The following KLF12 variants were observed in gnomAD, a reference collection of about 807,000 sequenced individuals.
The protein encoded by KLF12 is Krueppel-like factor 12.
A neutral mutation model predicts 37.8 loss-of-function variants in KLF12; 9 were observed. The observed-to-expected ratio is 0.24, with a 90% CI of 0.14 to 0.42. KLF12 has a LOEUF of 0.42. Among genes scored for constraint, KLF12 ranks in the 10% least tolerant of loss-of-function variants. The probability of loss-of-function intolerance (pLI) is 1.00; values close to 1 mark genes in which losing one functional copy is unlikely to be tolerated. For synonymous variants in KLF12, 208 were observed against 202.1 expected (o/e 1.03, Z -0.25); for missense variants, 411 against 516.0 (o/e 0.80, Z 1.97).
chr13:73,899,764 GTTC>G (rs1887954428), intron 3 of KLF12, among the ~76,000 whole-genome samples: 1 of 152,124 alleles, frequency 6.6e-6, no homozygotes, highest in South Asian at 2.1e-4. Context: ...AGCACTCCAG[GTTC>G]TCTGGCCTTT....
intron 1 of KLF12, among the ~76,000 whole-genome samples, chr13:74,125,744 T>C (rs760006462): frequency 3.3e-5 from 5 of 152,370 alleles, no homozygotes; most frequent in Middle Eastern, 3.4e-3. Flanking sequence ...GAAGTATATC[T>C]TGTAGTAAAC....
chr13:73,842,144 A>G (rs1269088993), intron 4 of KLF12, among the ~76,000 whole-genome samples: 1 of 152,166 alleles, frequency 6.6e-6, no homozygotes, highest in African/African-American at 2.4e-5. Context: ...TTCTGTCCTT[A>G]GTCAAGCATC....
intron 3 of KLF12, among the ~76,000 whole-genome samples, chr13:73,937,757 T>C (rs1213058298): frequency 6.6e-6 from 1 of 152,232 alleles, no homozygotes. Flanking sequence ...CTATCTGTAA[T>C]TACTATCACA....
intron 1 of KLF12, among the ~76,000 whole-genome samples, chr13:74,060,484 T>G (rs995886702): frequency 9.2e-5 from 10 of 108,628 alleles, no homozygotes; most frequent in African/African-American, 3.0e-4. Flanking sequence ...TACCTAGGTT[T>G]TGTGTGTGTG....
chr13:74,199,931 A>G, the KLF12 span, among the ~76,000 whole-genome samples: 2 of 152,160 alleles, frequency 1.3e-5, no homozygotes, highest in African/African-American at 2.4e-5. Context: ...GACATCTAGT[A>G]AGTAATGATC....
chr13:74,244,333 T>G, the KLF12 span, among the ~76,000 whole-genome samples: 3 of 152,194 alleles, frequency 2.0e-5, no homozygotes, highest in Non-Finnish European at 2.9e-5. Flanking sequence ...GGGCTCCCCA[T>G]AGTCTACTGA....
chr13:73,976,522 A>C (rs550677308), intron 2 of KLF12, among the ~76,000 whole-genome samples: 1 of 152,046 alleles, frequency 6.6e-6, no homozygotes, highest in Non-Finnish European at 1.5e-5. Flanking sequence ...ACACCATCTC[A>C]TGCTGCCCCA....
At chr13:74,284,088 A>G in the KLF12 span, among the ~76,000 whole-genome samples, 4 of 151,958 alleles carry the variant, frequency 2.6e-5, no homozygotes, top group African/African-American at 9.7e-5. Flanking sequence ...GGATCTCCTG[A>G]CCTTGTGATC....
At chr13:74,237,823 C>G in the KLF12 span, among the ~76,000 whole-genome samples, 2 of 152,258 alleles carry the variant, frequency 1.3e-5, no homozygotes, top group Non-Finnish European at 2.9e-5. Context: ...TGCTTATCAG[C>G]TTAAGGAGAT....
chr13:74,203,544 G>T, the KLF12 span, among the ~76,000 whole-genome samples: 1 of 152,102 alleles, frequency 6.6e-6, no homozygotes, highest in Non-Finnish European at 1.5e-5. Flanking sequence ...GCAAAAAAAG[G>T]TAATGCTTAT....
chr13:73,705,478 G>A (rs1029897971), intron 7 of KLF12, among the ~76,000 whole-genome samples: 1 of 152,060 alleles, frequency 6.6e-6, no homozygotes, highest in Non-Finnish European at 1.5e-5. Flanking sequence ...TTGCCATGTT[G>A]GCCAGGCTGT....
chr13:74,023,184 T>C (rs909445021), intron 1 of KLF12, among the ~76,000 whole-genome samples: 1 of 152,214 alleles, frequency 6.6e-6, no homozygotes, highest in Non-Finnish European at 1.5e-5. Context: ...TAGTATGGAA[T>C]AGCTTTCCCA....
intron 3 of KLF12, among the ~76,000 whole-genome samples, chr13:73,886,163 A>C (rs112117802): frequency 0.054 from 8,228 of 152,250 alleles, 286 homozygotes; most frequent in Middle Eastern, 0.1. Flanking sequence ...ACAAAGATGA[A>C]GGTCTGAAAT....
intron 3 of KLF12, among the ~76,000 whole-genome samples, chr13:73,910,273 T>G (rs79610928): frequency 1.3e-5 from 2 of 152,184 alleles, no homozygotes; most frequent in Non-Finnish European, 2.9e-5. Flanking sequence ...GAAAGTCACA[T>G]CTTTGCCCTA....
intron 3 of KLF12, among the ~76,000 whole-genome samples, chr13:73,928,558 T>A (rs1309212563): frequency 6.6e-6 from 1 of 152,188 alleles, no homozygotes; most frequent in African/African-American, 2.4e-5. Flanking sequence ...ACTAAGGAAA[T>A]GCAAGCCTAA....
intron 6 of KLF12, among the ~76,000 whole-genome samples, chr13:73,758,981 G>A (rs766328580): frequency 6.6e-6 from 1 of 152,038 alleles, no homozygotes; most frequent in Non-Finnish European, 1.5e-5. Flanking sequence ...AATTTGAGGA[G>A]GTAAAGTCAT....
intron 5 of KLF12, among the ~76,000 whole-genome samples, chr13:73,776,119 T>C (rs1880591559): frequency 6.6e-6 from 1 of 152,230 alleles, no homozygotes; most frequent in South Asian, 2.1e-4. Flanking sequence ...ACTATTATTA[T>C]TATTTAAAAT....
intron 1 of KLF12, among the ~76,000 whole-genome samples, chr13:74,086,696 G>A (rs866510659): frequency 1.3e-5 from 2 of 151,832 alleles, no homozygotes; most frequent in South Asian, 2.1e-4. Context: ...CCCCTACCTC[G>A]GGCACAGTGA....
chr13:74,111,017 G>A (rs1181915175), intron 1 of KLF12, among the ~76,000 whole-genome samples: 1 of 152,016 alleles, frequency 6.6e-6, no homozygotes, highest in Non-Finnish European at 1.5e-5. Context: ...GCCAGGCATG[G>A]TGGTGGGCGC....
Sources: gnomAD v4.1 joint callset for allele counts (sites outside exome capture counted in the v4.1 genomes callset) on GRCh38, gnomAD v4.1.1 for gene constraint, MANE v1.5 for transcripts, NCBI Gene and HGNC (gene_info 2026-07-23, HGNC 2026-07-21) for gene names.